Variants in MLLT1 observed in about 807,000 individuals in gnomAD.
MLLT1 encodes MLLT1 super elongation complex subunit, also known as protein ENL.
Under a neutral mutation model 55.1 loss-of-function variants are expected in MLLT1, and 11 were observed. That is an observed-to-expected ratio of 0.20 (90% CI 0.13 to 0.33). The LOEUF (loss-of-function observed/expected upper bound fraction) is 0.33. Among genes scored for constraint, MLLT1 ranks in the 10% least tolerant of loss-of-function variants. The pLI is 1.00. For synonymous variants in MLLT1, 323 were observed against 320.1 expected (o/e 1.01, Z -0.10); for missense variants, 536 against 760.6 (o/e 0.70, Z 3.47).
intron 2 of MLLT1, among the ~76,000 whole-genome samples, chr19:6,268,463 G>GA (rs1452598116): frequency 6.6e-6 from 1 of 152,192 alleles, no homozygotes; most frequent in Non-Finnish European, 1.5e-5. Flanking sequence ...GGGGAGGGAG[G>GA]ACTAAGGAGG....
At position 6,226,247 on chromosome 19, in the gene MLLT1, G is replaced by A. The variant is rs1002054602; in HGVS notation, c.546+730C>T. ...CACCGGGCAGCTGCCCCGAGGGCCC[G>A]TGCCGCTCAGCCTCCAGGAACGGCT... On this transcript the variant is annotated intron_variant, in intron 5 of 11. Transcript: ENST00000252674. This position sits in a 1 kb window ranked among gnomAD's most constrained non-coding sequence, Gnocchi z 6.3. Among the ~76,000 whole-genome samples the A allele has an allele frequency of 3.3e-5, 5 of 152,212 alleles. No homozygotes were observed. The highest frequency in any genetic ancestry group is 2.1e-4 in the South Asian group (1 of 4,834).
At position 6,240,281 on chromosome 19, in the gene MLLT1, G is replaced by A. The variant is rs1380290929; in HGVS notation, c.277-9568C>T. On this transcript the variant is annotated intron_variant, in intron 3 of 11. Coordinates refer to ENST00000252674, the MANE Select transcript of MLLT1 (RefSeq NM_005934.4). This position sits in a 1 kb window ranked among gnomAD's most constrained non-coding sequence, Gnocchi z 4.7. ...GCCCCATGTGAAACAGCGAAAGCCA[G>A]CCACCTACAGGCCTGCCTGGAAGAG... Among the ~76,000 whole-genome samples, 1 of 152,264 alleles carries A rather than the reference G, an allele frequency of 6.6e-6. No individual in the cohort carries two copies. Among genetic ancestry groups the A allele is most frequent in the Non-Finnish European group, 1.5e-5 (1 of 68,034 alleles).
intron 3 of MLLT1, among the ~76,000 whole-genome samples, chr19:6,239,735 CAG>C (rs1268536817): frequency 2.6e-5 from 4 of 151,736 alleles, no homozygotes; most frequent in South Asian, 2.1e-4. Context: ...CTCATACACT[CAG>C]ACTTACACAC....
At position 6,262,341 on chromosome 19, in the gene MLLT1, A is replaced by G. The variant is rs1285051833; in HGVS notation, c.194-31T>C. The G allele has an allele frequency of 6.3e-7, 1 of 1,593,630 alleles. No individual in the cohort carries two copies. Among genetic ancestry groups the G allele is most frequent in the Non-Finnish European group, 8.6e-7 (1 of 1,163,336 alleles). On this transcript the variant is annotated intron_variant, in intron 2 of 11. Coordinates refer to ENST00000252674, the MANE Select transcript of MLLT1 (RefSeq NM_005934.4). This position sits in a 1 kb window ranked among gnomAD's most constrained non-coding sequence, Gnocchi z 4.4. ...AAGAAAAGGAAGAAACACACCCATC[A>G]GCCTCCTGCCTGTTTCAGGCCCAGC...
intron 2 of MLLT1, among the ~76,000 whole-genome samples, chr19:6,264,595 A>T (rs1417018450): frequency 6.6e-6 from 1 of 152,142 alleles, no homozygotes; most frequent in Admixed American, 6.6e-5. Flanking sequence ...ACAAATAAAA[A>T]TAAGATACTT....
chr19:6,247,550 G>C (rs1206586256), intron 3 of MLLT1, among the ~76,000 whole-genome samples: 1 of 152,164 alleles, frequency 6.6e-6, no homozygotes, highest in South Asian at 2.1e-4. Context: ...TACATAAATG[G>C]AAGAGAAGGG....
chr19:6,213,273 C>T (rs1305993623), intron 11 of MLLT1, 64 bp downstream of exon 11: 29 of 1,606,516 alleles, frequency 1.8e-5, no homozygotes, highest in East Asian at 1.1e-4. Context: ...CAGGGGCCCC[C>T]GCAGCCCACA....
Position 6,232,227 on chromosome 19 carries a change from C to T in MLLT1, c.277-1514G>A, listed in dbSNP as rs140964827. The stretch of plus-strand genomic sequence containing the variant: ...CTCCAGCCTGGGCGACAGAGAAAGA[C>T]TCTGTCTGAAAAACAAACAAACAAA... On this transcript the variant is annotated intron_variant, in intron 3 of 11. Coordinates refer to ENST00000252674, the MANE Select transcript of MLLT1 (RefSeq NM_005934.4). Among the ~76,000 whole-genome samples, 635 of 152,326 alleles carry T rather than the reference C, an allele frequency of 4.2e-3. 3 individuals are homozygous for T. Among genetic ancestry groups the T allele is most frequent in the African/African-American group, 0.013 (554 of 41,576 alleles).
intron 8 of MLLT1, 63 bp from the exon 9 acceptor site, chr19:6,214,101 AGGCTC>A: frequency 1.3e-6 from 1 of 795,578 alleles, no homozygotes; most frequent in Non-Finnish European, 1.5e-6. Flanking sequence ...CCCCACCCCC[AGGCTC>A]AAGCCTCTGC....
intron 1 of MLLT1, 41 bp downstream of exon 1, chr19:6,279,732 G>A (rs1431092785): frequency 1.4e-5 from 2 of 147,790 alleles, no homozygotes; most frequent in African/African-American, 2.5e-5. Context: ...GGCGGGAGGG[G>A]GCCGGGCGGG....
chr19:6,243,574 A>G (rs1444159930), intron 3 of MLLT1, among the ~76,000 whole-genome samples: 2 of 152,112 alleles, frequency 1.3e-5, no homozygotes, highest in African/African-American at 4.8e-5. Context: ...TCGACCCCTT[A>G]TGCAGGATCT....
rs79066543 is a variant in MLLT1, at chr19:6,266,887, T to C, written c.193+3692A>G. On this transcript the variant is annotated intron_variant, in intron 2 of 11. Coordinates refer to ENST00000252674, the MANE Select transcript of MLLT1 (RefSeq NM_005934.4). ...GAGAGAAAAGGCCCAGGGTAGTGGCTAAAGGGGTGGCTGGATAAGAGTCCG... is the reference window on the plus strand; with the variant it reads ...GAGAGAAAAGGCCCAGGGTAGTGGCCAAAGGGGTGGCTGGATAAGAGTCCG... 8.3e-3 allele frequency among the ~76,000 whole-genome samples: 1,256 copies of C among 152,104 alleles called. 48 individuals carry two copies. The highest frequency in any genetic ancestry group is 0.069 in the East Asian group (356 of 5,148).
chr19:6,233,047 C>T (rs2091027257), intron 3 of MLLT1, among the ~76,000 whole-genome samples: 1 of 152,198 alleles, frequency 6.6e-6, no homozygotes, highest in Admixed American at 6.5e-5. Flanking sequence ...TTATTCTCAG[C>T]CCTTTCCCCA....
chr19:6,270,825 C>T lies in MLLT1; in HGVS notation c.13-66G>A, dbSNP rs2091389507. Reference sequence around the variant, plus strand: ...CTCCAAGCAGGGGACTGTCCCCTTACCCACAGAGAACTTTCGATAAAGACC... The same window carrying T: ...CTCCAAGCAGGGGACTGTCCCCTTATCCACAGAGAACTTTCGATAAAGACC... On this transcript the variant is annotated intron_variant, in intron 1 of 11. Transcript: ENST00000252674. This position sits in a 1 kb window ranked among gnomAD's most constrained non-coding sequence, Gnocchi z 7.1. 2 of 1,468,102 alleles carry T rather than the reference C, an allele frequency of 1.4e-6. No homozygotes were observed. The highest frequency in any genetic ancestry group is 1.4e-5 in the African/African-American group (1 of 71,034). The allele number at this position is 1,468,102 out of a possible 1,614,324, so 90.9% of individuals were successfully genotyped here.
chr19:6,239,858 T>A (rs2091099320), intron 3 of MLLT1, among the ~76,000 whole-genome samples: 2 of 152,156 alleles, frequency 1.3e-5, no homozygotes. Context: ...AGGACAAACA[T>A]TGCTTATCAT....
intron 3 of MLLT1, among the ~76,000 whole-genome samples, chr19:6,257,538 C>T (rs749456389): frequency 2.6e-5 from 4 of 152,286 alleles, no homozygotes; most frequent in African/African-American, 7.2e-5. Context: ...TGGTGGCTCA[C>T]GCCTGTAATC....
rs1207797932 is a variant in MLLT1 at position 6,243,375 on chromosome 19, C to T, written c.277-12662G>A. ...CCCTGCCTCCTAACTGACTCCAGGG[C>T]ACAGACAAGCACTTCCTGTTTGGCA... is the stretch of plus-strand genomic sequence containing the variant. On this transcript the variant is annotated intron_variant, in intron 3 of 11. Transcript: ENST00000252674. Among the ~76,000 whole-genome samples the T allele has an allele frequency of 3.3e-5, 5 of 152,292 alleles. No homozygotes were observed. In the East Asian group the frequency reaches 9.7e-4, roughly 30 times the overall value.
Position 6,218,106 on chromosome 19 carries a change from C to T in MLLT1, c.1111-65G>A, listed in dbSNP as rs532852002. ...GAGAGCTGTCACCTTTCAGCAGAGA[C>T]AAAGGGGGCCCCCTGGCAGCAGCTA... is the stretch of plus-strand genomic sequence containing the variant. On this transcript the variant is annotated intron_variant, in intron 6 of 11. Transcript: ENST00000252674. 15 of 1,530,924 alleles carry T rather than the reference C, an allele frequency of 9.8e-6. No individual in the cohort carries two copies. In the African/African-American group the frequency reaches 1.4e-4, roughly 14 times the overall value. The allele number at this position is 1,530,924 out of a possible 1,614,324, so 94.8% of individuals were successfully genotyped here. A position where few individuals can be genotyped will look rare whatever the true frequency, so the allele number is the denominator to read the frequency against.
chr19:6,267,957 C>T (rs1053795797), intron 2 of MLLT1, among the ~76,000 whole-genome samples: 8 of 152,130 alleles, frequency 5.3e-5, no homozygotes, highest in African/African-American at 9.7e-5. Context: ...CCTACTGTAT[C>T]CCTGCAGGCA....
Sources: allele counts gnomAD v4.1 joint callset (sites outside exome capture counted in the v4.1 genomes callset), GRCh38; gene constraint gnomAD v4.1.1; non-coding constraint Gnocchi (gnomAD v3.1); transcripts MANE v1.5; gene names NCBI Gene and HGNC (gene_info 2026-07-23, HGNC 2026-07-21).